The following NCOA7 variants were observed in gnomAD, a reference collection of about 807,000 sequenced individuals.
NCOA7 encodes nuclear receptor coactivator 7.
NCOA7 carries 45 observed loss-of-function variants against 104.3 expected under a neutral mutation model. The observed-to-expected ratio is 0.43, with a 90% CI of 0.34 to 0.55. The LOEUF (loss-of-function observed/expected upper bound fraction) is 0.55. Ranked by LOEUF, NCOA7 falls within the 20% of genes least tolerant of loss-of-function variation. The pLI, the probability that NCOA7 is intolerant of heterozygous loss-of-function variation, is 0.02. For synonymous variants in NCOA7, 398 were observed against 402.3 expected, an observed-to-expected ratio of 0.99 and a Z score of 0.13; for missense variants, 1,041 against 1,119.7, an observed-to-expected ratio of 0.93 and a Z score of 1.00.
At chr6:125,909,802 C>T (rs117288229) in intron 10 of NCOA7, among the ~76,000 whole-genome samples, 2,389 of 151,646 alleles carry the variant, frequency 0.016, 32 homozygotes, top group Non-Finnish European at 0.022. Context: ...AGAGTGAGAC[C>T]GTGTCTCAGA....
intron 6 of NCOA7, among the ~76,000 whole-genome samples, chr6:125,881,510 A>G (rs374793519): frequency 1.3e-5 from 2 of 152,030 alleles, no homozygotes; most frequent in Admixed American, 1.3e-4. Context: ...TCTCTACGAA[A>G]TATTTTAAAA....
intron 10 of NCOA7, among the ~76,000 whole-genome samples, chr6:125,894,819 A>T (rs1013738618): frequency 2.6e-5 from 4 of 151,904 alleles, no homozygotes; most frequent in Admixed American, 6.6e-5. Context: ...TTAAAAATTT[A>T]AAAATGTAGA....
intron 13 of NCOA7, among the ~76,000 whole-genome samples, chr6:125,924,214 G>T (rs983476766): frequency 3.9e-5 from 6 of 152,172 alleles, no homozygotes; most frequent in African/African-American, 1.2e-4. Flanking sequence ...TAGATTATTT[G>T]TCCTATTTAC....
At chr6:125,838,616 T>TC (rs1779835729) in intron 2 of NCOA7, among the ~76,000 whole-genome samples, 2 of 152,130 alleles carry the variant, frequency 1.3e-5, no homozygotes, top group Non-Finnish European at 2.9e-5. Flanking sequence ...TCTCTGGTTC[T>TC]CCAACACCAG....
chr6:125,884,839 A>C (rs1265619307), intron 7 of NCOA7, among the ~76,000 whole-genome samples: 1 of 152,224 alleles, frequency 6.6e-6, no homozygotes, highest in African/African-American at 2.4e-5. Context: ...TTGCAGACAG[A>C]GAACTAGAAA....
At chr6:125,913,894 G>T (rs960195978) in intron 10 of NCOA7, among the ~76,000 whole-genome samples, 2 of 152,218 alleles carry the variant, frequency 1.3e-5, no homozygotes, top group African/African-American at 2.4e-5. Context: ...ATTGAAAAAT[G>T]TTCAAGCCCT....
intron 10 of NCOA7, among the ~76,000 whole-genome samples, chr6:125,894,342 G>A (rs559987418): frequency 6.6e-6 from 1 of 152,142 alleles, no homozygotes; most frequent in African/African-American, 2.4e-5. Flanking sequence ...CTAGACTCGG[G>A]CCTCTGTACC....
intron 3 of NCOA7, among the ~76,000 whole-genome samples, chr6:125,866,358 C>T (rs1782445963): frequency 6.6e-6 from 1 of 152,042 alleles, no homozygotes; most frequent in African/African-American, 2.4e-5. Context: ...AGATATATAA[C>T]TTTATTTTTT....
chr6:125,880,897 A>C (rs1783769227), intron 5 of NCOA7, among the ~76,000 whole-genome samples, 193 bp from the exon 6 acceptor site: 1 of 152,150 alleles, frequency 6.6e-6, no homozygotes, highest in South Asian at 2.1e-4. Context: ...TTTGTACTAC[A>C]CACATTCATA....
In NCOA7 at chr6:125,838,268, A is replaced by G. The variant is rs1180244543; in HGVS notation, c.51-16752A>G. Among the ~76,000 whole-genome samples the G allele has an allele frequency of 3.9e-5, 6 of 152,266 alleles. No homozygotes were observed. In the South Asian group the frequency reaches 8.3e-4, roughly 21 times the overall value. ...GCTCAGGGCATGGCCAAAAATCAAG[A>G]TTACAGTGGCAAGATAGATTATGGG... On this transcript the variant is annotated intron_variant, in intron 2 of 15. Transcript: ENST00000392477.
chr6:125,822,198 C>G (rs1778252210), intron 2 of NCOA7, among the ~76,000 whole-genome samples: 1 of 152,074 alleles, frequency 6.6e-6, no homozygotes, highest in Non-Finnish European at 1.5e-5. Context: ...AATTTATTGC[C>G]CATTGTTGGA....
At chr6:125,839,584 A>G (rs993288295) in intron 2 of NCOA7, among the ~76,000 whole-genome samples, 2 of 152,072 alleles carry the variant, frequency 1.3e-5, no homozygotes, top group Non-Finnish European at 2.9e-5. Context: ...GCTTTGAGTC[A>G]TCTCATGAGA....
chr6:125,807,104 AC>A (rs1233529939), intron 1 of NCOA7, among the ~76,000 whole-genome samples: 1 of 152,124 alleles, frequency 6.6e-6, no homozygotes, highest in Admixed American at 6.5e-5. Context: ...ATACTGAGCC[AC>A]CGACCTCTCT....
rs1033837864 is a variant in NCOA7, at chr6:125,855,133, G to A, written c.164G>A (p.Cys55Tyr). The A allele has an allele frequency of 1.2e-5, 19 of 1,613,198 alleles. No individual in the cohort carries two copies. The highest frequency in any genetic ancestry group is 3.3e-4 in the Middle Eastern group (2 of 6,078). Residue 55 changes from cysteine to tyrosine, a missense_variant, in exon 3 of 16, where the codon TGC (cysteine) becomes TAC (tyrosine). Physicochemically the swap from Cys to Tyr is radical, Grantham distance 194 (BLOSUM62 -2). Coordinates refer to ENST00000392477, the MANE Select transcript of NCOA7 (RefSeq NM_181782.5). ...NNTVVLEPDK[C>Y]NIAVEEEYMT... ...ACAGTAGTTTTAGAGCCAGACAAGT[G>A]CAACATTGCTGTGGAAGAGGAATAT...
At chr6:125,907,352 G>C (rs10782229) in intron 10 of NCOA7, among the ~76,000 whole-genome samples, 95,358 of 152,068 alleles carry the variant, frequency 0.63, 30,009 homozygotes, top group East Asian at 0.77. Flanking sequence ...AGAGACAGAG[G>C]GTACCACCTG....
chr6:125,815,424 A>G lies in NCOA7; in HGVS notation c.50+20A>G. The G allele has an allele frequency of 6.3e-7, 1 of 1,599,996 alleles. No individual in the cohort carries two copies. The highest frequency in any genetic ancestry group is 2.2e-5 in the East Asian group (1 of 44,732). The stretch of plus-strand genomic sequence containing the variant: ...TGCTCGGTAAGCATTCATTTTACAA[A>G]ATTGTTATCAGTACTTTAAAGAAAT... On this transcript the variant is annotated intron_variant, in intron 2 of 15. Coordinates refer to ENST00000392477, the MANE Select transcript of NCOA7 (RefSeq NM_181782.5).
At chr6:125,805,084 G>GTTTTT (rs1439957902) in intron 1 of NCOA7, among the ~76,000 whole-genome samples, 1 of 66,624 alleles carries the variant, frequency 1.5e-5, no homozygotes, top group African/African-American at 5.5e-5. Flanking sequence ...TCACCCTCTT[G>GTTTTT]TTCTTTTTTT....
chr6:125,887,220 A>C (rs777864089), intron 8 of NCOA7, among the ~76,000 whole-genome samples: 14 of 152,184 alleles, frequency 9.2e-5, no homozygotes, highest in Non-Finnish European at 1.9e-4. Context: ...AGAGAAGGTG[A>C]AGAAAGTTTT....
At chr6:125,916,389 C>A (rs1045816797) in intron 11 of NCOA7, among the ~76,000 whole-genome samples, 1 of 152,166 alleles carries the variant, frequency 6.6e-6, no homozygotes, top group Non-Finnish European at 1.5e-5. Context: ...AATACACAAG[C>A]TGTAGTTTGC....
Sources: allele counts gnomAD v4.1 joint callset (sites outside exome capture counted in the v4.1 genomes callset), GRCh38; gene constraint gnomAD v4.1.1; transcripts MANE v1.5; gene names NCBI Gene and HGNC (gene_info 2026-07-23, HGNC 2026-07-21).